The following CACNA1A variants were observed in gnomAD, a reference collection of about 807,000 sequenced individuals.
The protein encoded by CACNA1A is voltage-dependent P/Q-type calcium channel subunit alpha-1A.
Under a neutral mutation model 262.4 loss-of-function variants are expected in CACNA1A, and 57 were observed. That is an observed-to-expected ratio of 0.22 (90% CI 0.18 to 0.27). The LOEUF is 0.27. CACNA1A is among the 10% of genes least tolerant of loss of function. CACNA1A has a pLI of 1.00. For synonymous variants in CACNA1A, 1,431 were observed against 1,419.3 expected (o/e 1.01, Z -0.18); for missense variants, 2,526 against 3,562.8 (o/e 0.71, Z 7.41).
intron 3 of CACNA1A, among the ~76,000 whole-genome samples, chr19:13,413,716 T>TAA (rs547824574): frequency 0.1 from 12,380 of 122,936 alleles, 770 homozygotes; most frequent in East Asian, 0.25. Context: ...CCGTCTCTAC[T>TAA]AAAAAAAAAA....
chr19:13,326,524 G>A (rs908762359), intron 10 of CACNA1A, among the ~76,000 whole-genome samples: 1 of 151,762 alleles, frequency 6.6e-6, no homozygotes, highest in African/African-American at 2.4e-5. Context: ...GGTGGCTCAC[G>A]CCTGTAATCC....
intron 3 of CACNA1A, among the ~76,000 whole-genome samples, chr19:13,409,809 C>T (rs2060077794): frequency 6.6e-6 from 1 of 152,144 alleles, no homozygotes; most frequent in Non-Finnish European, 1.5e-5. Context: ...TTCAAGCAAT[C>T]CTCCCACCTT....
intron 30 of CACNA1A, chr19:13,245,481 G>GC: frequency 1.8e-6 from 1 of 560,546 alleles, no homozygotes; most frequent in Non-Finnish European, 3.2e-6. Context: ...GATTGGCCTG[G>GC]CCCCAGAGGG....
chr19:13,501,059 G>T (rs1417958032), intron 1 of CACNA1A, among the ~76,000 whole-genome samples: 1 of 152,102 alleles, frequency 6.6e-6, no homozygotes, highest in Non-Finnish European at 1.5e-5. Flanking sequence ...GGCACTGTGG[G>T]GGTATTTTAG....
In CACNA1A at chr19:13,440,408, G is replaced by T. The variant is rs533827410; in HGVS notation, c.539+12468C>A. Among the ~76,000 whole-genome samples the T allele has an allele frequency of 2.0e-5, 3 of 152,324 alleles. No homozygotes were observed. In the South Asian group the frequency reaches 6.2e-4, roughly 32 times the overall value. On this transcript the variant is annotated intron_variant, in intron 3 of 46. Coordinates refer to ENST00000360228, the MANE Select transcript of CACNA1A (RefSeq NM_001127222.2). ...GAGGATTCTCCCTAAATTGGAAAGG[G>T]AGGTCAGATATTGGGAACCCAACTA...
At chr19:13,240,332 G>C (rs187776936) in intron 31 of CACNA1A, among the ~76,000 whole-genome samples, 2 of 151,940 alleles carry the variant, frequency 1.3e-5, no homozygotes, top group African/African-American at 4.8e-5. Context: ...ATGTGTGAAT[G>C]CAGACTGTGT....
chr19:13,303,217 C>T (rs1568513662), intron 17 of CACNA1A, among the ~76,000 whole-genome samples: 1 of 152,158 alleles, frequency 6.6e-6, no homozygotes, highest in Non-Finnish European at 1.5e-5. Context: ...CTCTCCCATC[C>T]ACTAGCCTGG....
At chr19:13,403,792 C>CA (rs897061492) in intron 3 of CACNA1A, among the ~76,000 whole-genome samples, 16 of 150,818 alleles carry the variant, frequency 1.1e-4, no homozygotes, top group East Asian at 9.7e-4. Flanking sequence ...AACAAACAAA[C>CA]AAAAAAAAAC....
chr19:13,479,338 G>C (rs1275554219), intron 1 of CACNA1A, among the ~76,000 whole-genome samples: 2 of 152,232 alleles, frequency 1.3e-5, no homozygotes, highest in Non-Finnish European at 2.9e-5. Context: ...GGTGGCCTTT[G>C]AGTGAAGTCC....
chr19:13,390,815 A>G (rs2059697830), intron 3 of CACNA1A, among the ~76,000 whole-genome samples: 1 of 151,584 alleles, frequency 6.6e-6, no homozygotes, highest in South Asian at 2.1e-4. Flanking sequence ...AGAGGTTGAT[A>G]ACTCACCCAA....
At chr19:13,415,098 C>T (rs1382733779) in intron 3 of CACNA1A, among the ~76,000 whole-genome samples, 2 of 151,874 alleles carry the variant, frequency 1.3e-5, no homozygotes, top group African/African-American at 4.8e-5. Context: ...ATGAGGAGGG[C>T]ATAGGAGATG....
chr19:13,212,036 G>A lies in CACNA1A; in HGVS notation c.6303+67C>T. On this transcript the variant is annotated intron_variant, in intron 43 of 46. Transcript: ENST00000360228. This position sits in a 1 kb window ranked among gnomAD's most constrained non-coding sequence, Gnocchi z 5.6. ...GAGGGGATGCACTGGGCTGCTTGTG[G>A]GGGGGCCTGGCCCTACCCAGTGCAG... 8.6e-7 allele frequency: 1 copy of A among 1,162,224 alleles called. No homozygotes were observed. Among genetic ancestry groups the A allele is most frequent in the South Asian group, 1.3e-5 (1 of 77,648 alleles). The allele number at this position is 1,162,224 out of a possible 1,614,324, so 72.0% of individuals were successfully genotyped here. A position where few individuals can be genotyped will look rare whatever the true frequency, so the allele number is the denominator to read the frequency against.
At chr19:13,392,289 T>C (rs1230747403) in intron 3 of CACNA1A, among the ~76,000 whole-genome samples, 1 of 152,152 alleles carries the variant, frequency 6.6e-6, no homozygotes, top group Non-Finnish European at 1.5e-5. Flanking sequence ...TTCACAGTCA[T>C]GAGTGTTTTG....
rs764778077 is a variant in CACNA1A at position 13,207,654 on chromosome 19, C to T, written c.7180G>A (p.Gly2394Ser). The change falls in exon 47 of 47, where the codon GGC (glycine) becomes AGC (serine). Residue 2394 changes from glycine to serine, a missense_variant. By Grantham distance (56) the Gly-to-Ser change is moderately conservative. Around this residue, in one of 17 missense-constraint regions of CACNA1A, gnomAD observed 929 missense variants for 868.1 expected, o/e 1.07. Transcript: ENST00000360228. The surrounding 1 kb of genome is among the most constrained non-coding windows in gnomAD (Gnocchi z 5.7). ...RHGGARWPASGPHVSEGPPGP... is the reference protein window; with the variant it reads ...RHGGARWPASSPHVSEGPPGP... The stretch of plus-strand genomic sequence containing the variant: ...GGGGGCCCCTCGGACACGTGCGGGC[C>T]AGATGCCGGCCACCGGGCCCCGCCG... The T allele has an allele frequency of 6.9e-7, 1 of 1,451,974 alleles. No individual in the cohort carries two copies. Among genetic ancestry groups the T allele is most frequent in the Non-Finnish European group, 9.1e-7 (1 of 1,102,008 alleles). The allele number at this position is 1,451,974 out of a possible 1,614,324, so 89.9% of individuals were successfully genotyped here.
chr19:13,430,994 A>C (rs2060494934), intron 3 of CACNA1A, among the ~76,000 whole-genome samples: 1 of 151,764 alleles, frequency 6.6e-6, no homozygotes, highest in African/African-American at 2.4e-5. Flanking sequence ...TTGGTGTGTA[A>C]GGGACAGCAG....
intron 3 of CACNA1A, among the ~76,000 whole-genome samples, chr19:13,449,628 T>C (rs930839753): frequency 6.6e-6 from 1 of 152,218 alleles, no homozygotes; most frequent in African/African-American, 2.4e-5. Context: ...TTCTTATCTA[T>C]GCATGTAGTC....
intron 1 of CACNA1A, among the ~76,000 whole-genome samples, chr19:13,505,536 G>A (rs985038282): frequency 6.6e-6 from 1 of 151,970 alleles, no homozygotes; most frequent in East Asian, 1.9e-4. Context: ...TAGTTCCCCT[G>A]CCCTGGCCAG....
rs1983059343 is a variant in CACNA1A at position 13,506,453 on chromosome 19, G to C, written c.-229C>G. ...CGGGCCGAGCCGGGGATAGCAGCTC[G>C]GGACATCTTCCTGGCTGACCCCGGA... On this transcript the variant is annotated 5_prime_UTR_variant, in exon 1 of 47. Transcript: ENST00000360228. The C allele has an allele frequency of 5.4e-6, 2 of 370,778 alleles. No homozygotes were observed. The highest frequency in any genetic ancestry group is 9.5e-6 in the Non-Finnish European group (2 of 210,578). The allele number at this position is 370,778 out of a possible 1,614,324, so 23.0% of individuals were successfully genotyped here.
At chr19:13,297,832 T>A (rs1475942666) in intron 19 of CACNA1A, among the ~76,000 whole-genome samples, 1 of 97,726 alleles carries the variant, frequency 1.0e-5, no homozygotes, top group Non-Finnish European at 2.2e-5. Flanking sequence ...ACATACAGCA[T>A]TTTTTTTTTT....
Sources: gnomAD v4.1 joint callset for allele counts (sites outside exome capture counted in the v4.1 genomes callset) on GRCh38, gnomAD v4.1.1 for gene constraint, gnomAD v4.1.1 regional missense constraint, Gnocchi (gnomAD v3.1) non-coding constraint, MANE v1.5 for transcripts, NCBI Gene and HGNC (gene_info 2026-07-23, HGNC 2026-07-21) for gene names.